Variants in CDK5RAP2 observed in about 807,000 individuals in gnomAD.
CDK5RAP2 encodes CDK5 regulatory subunit-associated protein 2.
In CDK5RAP2, 147 loss-of-function variants were observed where a neutral mutation model predicts 232.9. The ratio of observed to expected loss-of-function variants is 0.63; its 90% CI spans 0.55 to 0.72. The LOEUF is 0.72. Ranked by LOEUF, CDK5RAP2 falls within the 30% of genes least tolerant of loss-of-function variation. The pLI, the probability that CDK5RAP2 is intolerant of heterozygous loss-of-function variation, is 0.00. For synonymous variants in CDK5RAP2, 833 were observed against 833.7 expected (o/e 1.00, Z 0.01); for missense variants, 2,195 against 2,231.5 (o/e 0.98, Z 0.33).
At chr9:120,394,258 T>A (rs1239192252) in intron 36 of CDK5RAP2, among the ~76,000 whole-genome samples, 3 of 152,106 alleles carry the variant, frequency 2.0e-5, no homozygotes, top group Non-Finnish European at 4.4e-5. Flanking sequence ...CATGTTCCCA[T>A]CACTGCACAT....
intron 25 of CDK5RAP2, among the ~76,000 whole-genome samples, chr9:120,428,095 A>G (rs373084423): frequency 1.3e-5 from 2 of 152,228 alleles, no homozygotes; most frequent in African/African-American, 4.8e-5. Context: ...TCTCTGGGAC[A>G]CATTCAAAGG....
chr9:120,519,556 T>C (rs2040526520), intron 11 of CDK5RAP2, among the ~76,000 whole-genome samples: 1 of 152,154 alleles, frequency 6.6e-6, no homozygotes, highest in Non-Finnish European at 1.5e-5. Flanking sequence ...ACCACAACCT[T>C]GCACAAAGGC....
intron 17 of CDK5RAP2, among the ~76,000 whole-genome samples, chr9:120,468,651 A>G (rs1396344666): frequency 6.6e-6 from 1 of 152,258 alleles, no homozygotes; most frequent in Non-Finnish European, 1.5e-5. Context: ...AACTGTCCAG[A>G]GTCCCACAGC....
chr9:120,523,911 C>T (rs2040783279), intron 11 of CDK5RAP2, among the ~76,000 whole-genome samples: 1 of 151,282 alleles, frequency 6.6e-6, no homozygotes, highest in South Asian at 2.1e-4. Context: ...CATTGGGGGA[C>T]GGAGGGAGGA....
intron 1 of CDK5RAP2, among the ~76,000 whole-genome samples, chr9:120,577,853 G>A (rs747822588): frequency 6.6e-6 from 1 of 152,038 alleles, no homozygotes; most frequent in African/African-American, 2.4e-5. Flanking sequence ...CCAAGTGTCT[G>A]GCCAAAAAGC....
At chr9:120,547,998 G>A (rs146424646) in intron 4 of CDK5RAP2, among the ~76,000 whole-genome samples, 300 of 152,308 alleles carry the variant, frequency 2.0e-3, no homozygotes, top group African/African-American at 7.0e-3. Flanking sequence ...ATCCTCAAGT[G>A]TCAAAAACAA....
chr9:120,406,805 A>C lies in CDK5RAP2; in HGVS notation c.4963+207T>G, dbSNP rs2033473005. On this transcript the variant is annotated intron_variant, in intron 32 of 37. Coordinates refer to ENST00000349780, the MANE Select transcript of CDK5RAP2 (RefSeq NM_018249.6). ...CCAAATTCCACTTCCCTGAGAATCA[A>C]GATGCCTCAGATGGAGATTACGCCA... The C allele has an allele frequency of 6.8e-6, 4 of 586,484 alleles. No homozygotes were observed. In the South Asian group the frequency reaches 8.7e-5, roughly 13 times the overall value. The allele number at this position is 586,484 out of a possible 1,614,324, so 36.3% of individuals were successfully genotyped here. A position where few individuals can be genotyped will look rare whatever the true frequency, so the allele number is the denominator to read the frequency against.
intron 12 of CDK5RAP2, among the ~76,000 whole-genome samples, chr9:120,496,144 G>A (rs1588484691): frequency 2.2e-4 from 21 of 95,134 alleles, no homozygotes; most frequent in Admixed American, 5.3e-4. Context: ...CGCCCCGTCC[G>A]GGAGGGAGGT....
chr9:120,487,563 T>A (rs1368968001), intron 13 of CDK5RAP2, 126 bp from the exon 14 acceptor site: 4 of 719,560 alleles, frequency 5.6e-6, no homozygotes. Context: ...CTACATAATT[T>A]TCATCATTCC....
chr9:120,487,355 C>T lies in CDK5RAP2; in HGVS notation c.1565G>A (p.Gly522Asp). 1.2e-6 allele frequency: 2 copies of T among 1,613,942 alleles called. No individual in the cohort carries two copies. Among genetic ancestry groups the T allele is most frequent in the Non-Finnish European group, 1.7e-6 (2 of 1,179,930 alleles). The change falls in exon 14 of 38, where the codon GGC (glycine) becomes GAC (aspartate). Residue 522 changes from glycine (G) to aspartate (D), a missense_variant. Coordinates refer to ENST00000349780, the MANE Select transcript of CDK5RAP2 (RefSeq NM_018249.6). The stretch of plus-strand genomic sequence containing the variant: ...AGAAGAGCACTTTTCTGTTATTAAG[C>T]CTTCACTCCTGAGCTCAAGATCCTC... ...AAEDLELRSE[G>D]LITEKCSSQQ...
At chr9:120,396,594 C>T (rs1320341576) in intron 35 of CDK5RAP2, among the ~76,000 whole-genome samples, 2 of 152,154 alleles carry the variant, frequency 1.3e-5, no homozygotes, top group Admixed American at 6.5e-5. Flanking sequence ...TCCCCATCAC[C>T]GCCCATGGCA....
chr9:120,576,470 G>A (rs2043035288), intron 1 of CDK5RAP2, among the ~76,000 whole-genome samples: 1 of 152,194 alleles, frequency 6.6e-6, no homozygotes, highest in East Asian at 1.9e-4. Flanking sequence ...GGGAGGCCAA[G>A]GCGGGCAGAT....
rs187440406 is a variant in CDK5RAP2 at position 120,466,664 on chromosome 9, C to A, written c.2106+1196G>T. On this transcript the variant is annotated intron_variant, in intron 18 of 37. Transcript: ENST00000349780. Reference sequence around the variant, plus strand: ...CATACTTGTTTCTCCCTAAATGGATCGCAGATATTCTTGGTTTTCAAAATT... The same window carrying A: ...CATACTTGTTTCTCCCTAAATGGATAGCAGATATTCTTGGTTTTCAAAATT... Among the ~76,000 whole-genome samples the A allele has an allele frequency of 6.8e-4, 103 of 152,210 alleles. 2 individuals are homozygous for A. Among genetic ancestry groups the A allele is most frequent in the Non-Finnish European group, 1.1e-3 (77 of 68,016 alleles).
At chr9:120,577,345 A>G (rs1019234635) in intron 1 of CDK5RAP2, among the ~76,000 whole-genome samples, 9 of 141,332 alleles carry the variant, frequency 6.4e-5, no homozygotes, top group African/African-American at 2.3e-4. Flanking sequence ...TGGGCAACAA[A>G]GCGAGACCCT....
intron 3 of CDK5RAP2, among the ~76,000 whole-genome samples, chr9:120,560,422 G>A (rs1475663): frequency 0.63 from 95,520 of 152,014 alleles, 31,890 homozygotes; most frequent in Non-Finnish European, 0.74. Flanking sequence ...GCTGTCTCAA[G>A]GCCTGTGTTC....
intron 1 of CDK5RAP2, among the ~76,000 whole-genome samples, chr9:120,576,550 A>G (rs1410289782): frequency 6.6e-6 from 1 of 152,148 alleles, no homozygotes; most frequent in Non-Finnish European, 1.5e-5. Flanking sequence ...AAAAATATAA[A>G]AATTAGCCGA....
chr9:120,458,335 T>G, intron 20 of CDK5RAP2, 115 bp downstream of exon 20: 1 of 998,056 alleles, frequency 1.0e-6, no homozygotes, highest in Non-Finnish European at 1.6e-6. Context: ...CCAAGCCATT[T>G]CAGGAGCTCT....
chr9:120,516,077 T>A (rs1401159162), intron 12 of CDK5RAP2, among the ~76,000 whole-genome samples: 1 of 152,172 alleles, frequency 6.6e-6, no homozygotes, highest in East Asian at 1.9e-4. Flanking sequence ...GTATGTTTAT[T>A]TCGGCACTAT....
intron 20 of CDK5RAP2, among the ~76,000 whole-genome samples, chr9:120,454,369 A>G (rs1183131743): frequency 6.6e-6 from 1 of 152,214 alleles, no homozygotes; most frequent in Admixed American, 6.5e-5. Flanking sequence ...CTTAATAAAG[A>G]GGTGTTAATG....
Sources: allele counts gnomAD v4.1 joint callset (sites outside exome capture counted in the v4.1 genomes callset), GRCh38; gene constraint gnomAD v4.1.1; transcripts MANE v1.5; gene names NCBI Gene and HGNC (gene_info 2026-07-23, HGNC 2026-07-21).